Variants in MTF1 observed in about 807,000 individuals in gnomAD.
The protein encoded by MTF1 is metal regulatory transcription factor 1.
In MTF1, 22 loss-of-function variants were observed where a neutral mutation model predicts 70.4. That is an observed-to-expected ratio of 0.31 (90% CI 0.22 to 0.45). The LOEUF is 0.45. Ranked by LOEUF, MTF1 falls within the 20% of genes least tolerant of loss-of-function variation. MTF1 has a pLI of 1.00. For synonymous variants in MTF1, 333 were observed against 352.8 expected, an observed-to-expected ratio of 0.94 and a Z score of 0.63; for missense variants, 649 against 922.0, an observed-to-expected ratio of 0.70 and a Z score of 3.83.
At chr1:37,827,426 T>C (rs187075812) in intron 7 of MTF1, among the ~76,000 whole-genome samples, 1 of 151,872 alleles carries the variant, frequency 6.6e-6, no homozygotes, top group Non-Finnish European at 1.5e-5. Context: ...GACATGATCT[T>C]GACTCACTGC....
chr1:37,843,850 C>G (rs376167073), intron 2 of MTF1, among the ~76,000 whole-genome samples: 33 of 152,130 alleles, frequency 2.2e-4, no homozygotes, highest in East Asian at 1.4e-3. Flanking sequence ...CCTACTCCTC[C>G]TGTCTCCCCT....
intron 2 of MTF1, among the ~76,000 whole-genome samples, chr1:37,854,793 C>T (rs938787153): frequency 1.3e-5 from 2 of 152,218 alleles, no homozygotes; most frequent in Non-Finnish European, 2.9e-5. Flanking sequence ...GGCGCGGTGG[C>T]TCATGCCTGT....
intron 1 of MTF1, among the ~76,000 whole-genome samples, chr1:37,859,144 C>T (rs1210823353): frequency 2.0e-5 from 3 of 152,202 alleles, no homozygotes; most frequent in African/African-American, 7.2e-5. Context: ...GCTGCCCCGG[C>T]ACCCTCGGCG....
At chr1:37,849,407 C>G (rs1183262440) in intron 2 of MTF1, among the ~76,000 whole-genome samples, 1 of 150,454 alleles carries the variant, frequency 6.6e-6, no homozygotes, top group Non-Finnish European at 1.5e-5. Flanking sequence ...GCCTGGGCAA[C>G]AGAGCAAGCC....
chr1:37,853,419 C>T (rs1343341704), intron 2 of MTF1, among the ~76,000 whole-genome samples: 1 of 152,202 alleles, frequency 6.6e-6, no homozygotes, highest in East Asian at 1.9e-4. Context: ...AAAGTCTTAT[C>T]AGAACTTGGC....
intron 1 of MTF1, 50 bp from the exon 2 acceptor site, chr1:37,857,759 C>A: frequency 8.8e-7 from 1 of 1,141,228 alleles, no homozygotes; most frequent in South Asian, 1.5e-5. Context: ...GACCGACGGA[C>A]CTCCTCAGCA....
In MTF1 at chr1:37,840,184, A is replaced by C. The variant is rs1348382395; in HGVS notation, c.409-26T>G. The C allele has an allele frequency of 6.2e-7, 1 of 1,609,268 alleles. No homozygotes were observed. Among genetic ancestry groups the C allele is most frequent in the Non-Finnish European group, 8.5e-7 (1 of 1,176,070 alleles). On this transcript the variant is annotated intron_variant, in intron 2 of 10. Transcript: ENST00000373036. The surrounding 1 kb of genome is among the most constrained non-coding windows in gnomAD (Gnocchi z 4.5). ...CTGGCAGAGAAAAGATACCTCATCA[A>C]CAGGACAAAAATGCTGCCCAGGGCT...
intron 7 of MTF1, among the ~76,000 whole-genome samples, chr1:37,830,388 C>T (rs892613049): frequency 2.6e-5 from 4 of 152,074 alleles, no homozygotes; most frequent in Non-Finnish European, 5.9e-5. Context: ...TTTAGATTTC[C>T]ATTTGGTACA....
intron 4 of MTF1, among the ~76,000 whole-genome samples, chr1:37,838,321 G>C (rs532735659): frequency 6.6e-6 from 1 of 152,092 alleles, no homozygotes; most frequent in African/African-American, 2.4e-5. Flanking sequence ...GGCCTGCTTC[G>C]GAGTATTTCT....
At position 37,857,692 on chromosome 1, in the gene MTF1, GA is replaced by G; in HGVS notation, c.-35del. ...TGTGCTCAGCCCAGTTGTGAGAAATGAAAACGTAATGACTTGTCTGCAACAG... is the reference window on the plus strand; with the variant it reads ...TGTGCTCAGCCCAGTTGTGAGAAATGAAACGTAATGACTTGTCTGCAACAG... On this transcript the variant is annotated 5_prime_UTR_variant, in exon 2 of 11. An upstream open reading frame in the 5' UTR loses its in-frame stop. Transcript: ENST00000373036. 1.2e-6 allele frequency: 2 copies of G among 1,600,170 alleles called. No individual in the cohort carries two copies. Among genetic ancestry groups the G allele is most frequent in the Non-Finnish European group, 1.7e-6 (2 of 1,171,606 alleles).
chr1:37,816,032 G>A (rs754694859), intron 10 of MTF1, among the ~76,000 whole-genome samples: 3 of 152,106 alleles, frequency 2.0e-5, no homozygotes, highest in Admixed American at 6.6e-5. Context: ...GGATGAAGCC[G>A]GTACCCAGCC....
In MTF1 at chr1:37,832,296, A is replaced by G. The variant is rs751493369; in HGVS notation, c.1017T>C (p.Ser339=). 2.7e-5 allele frequency: 43 copies of G among 1,613,424 alleles called. No homozygotes were observed. Among genetic ancestry groups the G allele is most frequent in the Non-Finnish European group, 3.6e-5 (43 of 1,179,526 alleles). The change falls in exon 7 of 11, where the codon AGT becomes AGC. Residue 339 remains serine (S), a synonymous_variant. Coordinates refer to ENST00000373036, the MANE Select transcript of MTF1 (RefSeq NM_005955.3). The stretch of plus-strand genomic sequence containing the variant: ...AATCTGTGGACAGAAGGCTCAAGTC[A>G]CTTAGACAAAGTGAGTGATTTGTAT... The part of the protein sequence containing the change: ...SEDTNHSLCL[S]DLSLLSTDSE...
Position 37,857,592 on chromosome 1 carries a change from C to T in MTF1, c.67G>A (p.Asp23Asn), listed in dbSNP as rs1368467719. The T allele has an allele frequency of 2.5e-6, 4 of 1,614,012 alleles. No homozygotes were observed. The highest frequency in any genetic ancestry group is 2.2e-5 in the East Asian group (1 of 44,908). The change falls in exon 2 of 11, where the codon GAT (aspartate) becomes AAT (asparagine). Residue 23 changes from aspartate to asparagine, a missense_variant. Asp to Asn is a conservative substitution (Grantham distance 23). This residue lies in a region of MTF1 where 34 missense variants were observed against 38.7 expected (regional missense o/e 0.88). Coordinates refer to ENST00000373036, the MANE Select transcript of MTF1 (RefSeq NM_005955.3). Reference sequence around the variant, plus strand: ...TCCACAAACCTGAGCATTTTATCATCGGGGGTCAGCTCATCTTCCTCTGCC... The same window carrying T: ...TCCACAAACCTGAGCATTTTATCATTGGGGGTCAGCTCATCTTCCTCTGCC... The part of the protein sequence containing the change: ...FEAEEDELTP[D>N]DKMLRFVDKN...
chr1:37,811,142 T>G lies in MTF1; in HGVS notation c.*3994A>C, dbSNP rs1261490674. 6.6e-6 allele frequency: 1 copy of G among 152,582 alleles called. No individual in the cohort carries two copies. Among genetic ancestry groups the G allele is most frequent in the Non-Finnish European group, 1.5e-5 (1 of 68,026 alleles). 9.5% of individuals were successfully genotyped at this position (152,582 alleles called of 1,614,324 possible). ...CTTCCTTTCAGGCATCATTTTGTAA[T>G]GGTGAAGAGGGAAAAGATGGCGAGA... is the stretch of plus-strand genomic sequence containing the variant. On this transcript the variant is annotated 3_prime_UTR_variant, in exon 11 of 11. Coordinates refer to ENST00000373036, the MANE Select transcript of MTF1 (RefSeq NM_005955.3).
At chr1:37,834,987 T>C in intron 6 of MTF1, 92 bp downstream of exon 6, 5 of 1,392,112 alleles carry the variant, frequency 3.6e-6, no homozygotes, top group East Asian at 2.3e-5. Context: ...CTAACAGATA[T>C]ACAGAGAAGA....
At chr1:37,822,094 C>A (rs759152705) in intron 9 of MTF1, 27 bp downstream of exon 9, 1 of 1,519,514 alleles carries the variant, frequency 6.6e-7, no homozygotes, top group Admixed American at 2.0e-5. Flanking sequence ...CTTCACCCCA[C>A]TGGGTATATT....
intron 9 of MTF1, among the ~76,000 whole-genome samples, chr1:37,819,951 CAAAAAA>C (rs766621404): frequency 3.4e-4 from 28 of 82,666 alleles, no homozygotes; most frequent in Admixed American, 2.0e-3. Context: ...GACTCTGACT[CAAAAAA>C]AAAAAAAAAA....
At position 37,840,198 on chromosome 1, in the gene MTF1, C is replaced by A; in HGVS notation, c.409-40G>T. The A allele has an allele frequency of 6.3e-7, 1 of 1,581,664 alleles. No individual in the cohort carries two copies. The highest frequency in any genetic ancestry group is 1.1e-5 in the South Asian group (1 of 90,072). ...ATACCTCATCAACAGGACAAAAATG[C>A]TGCCCAGGGCTTAACTCCCCCACCC... On this transcript the variant is annotated intron_variant, in intron 2 of 10. Coordinates refer to ENST00000373036, the MANE Select transcript of MTF1 (RefSeq NM_005955.3). The surrounding 1 kb of genome is among the most constrained non-coding windows in gnomAD (Gnocchi z 4.5).
At chr1:37,851,367 T>C (rs972478544) in intron 2 of MTF1, among the ~76,000 whole-genome samples, 1 of 152,224 alleles carries the variant, frequency 6.6e-6, no homozygotes, top group Non-Finnish European at 1.5e-5. Context: ...TGATTATCAA[T>C]GATCTGAAGA....
Sources: allele counts gnomAD v4.1 joint callset (sites outside exome capture counted in the v4.1 genomes callset), GRCh38; gene constraint gnomAD v4.1.1; regional missense constraint gnomAD v4.1.1; non-coding constraint Gnocchi (gnomAD v3.1); transcripts MANE v1.5; gene names NCBI Gene and HGNC (gene_info 2026-07-23, HGNC 2026-07-21).